The following ADARB2 variants were observed in gnomAD, a reference collection of about 807,000 sequenced individuals.
The protein encoded by ADARB2 is adenosine deaminase RNA specific B2 (inactive).
In ADARB2, 25 loss-of-function variants were observed where a neutral mutation model predicts 62.2. The ratio of observed to expected loss-of-function variants is 0.40; its 90% CI spans 0.29 to 0.56. The LOEUF is 0.56. Among genes scored for constraint, ADARB2 ranks in the 20% least tolerant of loss-of-function variants. The pLI is 0.43. For missense variants in ADARB2, 1,071 were observed against 1,077.4 expected, an observed-to-expected ratio of 0.99 and a Z score of 0.08; for synonymous variants, 572 against 500.8, an observed-to-expected ratio of 1.14 and a Z score of -1.90.
rs11815264 is a variant in ADARB2, at chr10:1,429,174, C to T, written c.101-50014G>A. 4.4e-3 allele frequency among the ~76,000 whole-genome samples: 667 copies of T among 152,252 alleles called. 5 individuals are homozygous for T. Among genetic ancestry groups the T allele is most frequent in the African/African-American group, 0.015 (642 of 41,548 alleles). ...AGGTATGTGGGCACTTCTGTAATGC[C>T]TCTTACAATGGCATGTGCGTCCATA... On this transcript the variant is annotated intron_variant, in intron 1 of 9. Coordinates refer to ENST00000381312, the MANE Select transcript of ADARB2 (RefSeq NM_018702.4).
intron 1 of ADARB2, among the ~76,000 whole-genome samples, chr10:1,669,893 GACAA>G (rs762188213): frequency 2.4e-4 from 35 of 146,776 alleles, no homozygotes; most frequent in African/African-American, 3.0e-4. Flanking sequence ...CACTCACCAA[GACAA>G]ACACAGACAC....
intron 1 of ADARB2, among the ~76,000 whole-genome samples, chr10:1,534,415 G>C (rs918623556): frequency 2.0e-5 from 3 of 152,234 alleles, no homozygotes; most frequent in African/African-American, 7.2e-5. Context: ...TGGGATTACA[G>C]GCATGAGCCA....
At chr10:1,455,105 C>T (rs1480004999) in intron 1 of ADARB2, among the ~76,000 whole-genome samples, 1 of 152,122 alleles carries the variant, frequency 6.6e-6, no homozygotes, top group African/African-American at 2.4e-5. Context: ...GTGATTTTCC[C>T]AGGTACAGTT....
At chr10:1,489,180 A>G (rs1419815392) in intron 1 of ADARB2, among the ~76,000 whole-genome samples, 2 of 152,240 alleles carry the variant, frequency 1.3e-5, no homozygotes, top group East Asian at 3.9e-4. Flanking sequence ...TAAGACATTG[A>G]TCAACTTCTC....
At chr10:1,388,970 AG>A (rs1380968418) in intron 1 of ADARB2, among the ~76,000 whole-genome samples, 2 of 152,358 alleles carry the variant, frequency 1.3e-5, no homozygotes, top group South Asian at 4.1e-4. Context: ...GTGGAACAAA[AG>A]GGGAAGTCTA....
intron 1 of ADARB2, among the ~76,000 whole-genome samples, chr10:1,661,907 A>G (rs1328333049): frequency 2.0e-5 from 3 of 152,066 alleles, no homozygotes; most frequent in African/African-American, 7.2e-5. Flanking sequence ...CTGGGGAGGG[A>G]AAGGGGCTAG....
chr10:1,735,363 C>T (rs779037694), intron 1 of ADARB2, among the ~76,000 whole-genome samples: 7 of 152,172 alleles, frequency 4.6e-5, no homozygotes, highest in Non-Finnish European at 7.3e-5. Context: ...GCATGACTGA[C>T]GCTTCCTGGC....
chr10:1,597,306 G>A (rs541983728), intron 1 of ADARB2, among the ~76,000 whole-genome samples: 1 of 152,174 alleles, frequency 6.6e-6, no homozygotes, highest in Admixed American at 6.5e-5. Flanking sequence ...CATCTTTAAG[G>A]CAATTCCCAA....
intron 3 of ADARB2, among the ~76,000 whole-genome samples, chr10:1,331,620 GA>G (rs1831928460): frequency 6.6e-6 from 1 of 152,146 alleles, no homozygotes; most frequent in Non-Finnish European, 1.5e-5. Context: ...TGTGAGGTCA[GA>G]AAAATGTTCC....
chr10:1,549,843 G>A (rs545825477), intron 1 of ADARB2, among the ~76,000 whole-genome samples: 2 of 152,236 alleles, frequency 1.3e-5, no homozygotes, highest in African/African-American at 4.8e-5. Context: ...CCGGAGAGAC[G>A]GCAGCCAGGA....
intron 1 of ADARB2, among the ~76,000 whole-genome samples, chr10:1,430,207 A>T (rs1256633864): frequency 2.0e-5 from 3 of 152,250 alleles, no homozygotes; most frequent in Non-Finnish European, 4.4e-5. Context: ...GCATACTGAG[A>T]TACAAAGAGC....
chr10:1,588,337 C>T (rs532533820), intron 1 of ADARB2, among the ~76,000 whole-genome samples: 2 of 152,150 alleles, frequency 1.3e-5, no homozygotes, highest in South Asian at 4.1e-4. Flanking sequence ...TTATCTGCAG[C>T]GGGTCCAACA....
chr10:1,708,484 G>C (rs566056640), intron 1 of ADARB2, among the ~76,000 whole-genome samples: 1 of 152,196 alleles, frequency 6.6e-6, no homozygotes, highest in African/African-American at 2.4e-5. Context: ...TTCCTGGTCA[G>C]AATCTTTCAG....
intron 3 of ADARB2, among the ~76,000 whole-genome samples, chr10:1,275,140 G>C (rs985180544): frequency 1.3e-5 from 2 of 152,248 alleles, no homozygotes; most frequent in African/African-American, 4.8e-5. Flanking sequence ...ATCACATTTG[G>C]TTTGGGCCTC....
intron 1 of ADARB2, among the ~76,000 whole-genome samples, chr10:1,712,612 T>C (rs1206307324): frequency 1.9e-5 from 2 of 104,226 alleles, no homozygotes; most frequent in African/African-American, 5.0e-5. Flanking sequence ...CCACCATTAC[T>C]TTTTTTTTTT....
At chr10:1,522,526 C>T (rs1832085280) in intron 1 of ADARB2, among the ~76,000 whole-genome samples, 1 of 152,150 alleles carries the variant, frequency 6.6e-6, no homozygotes, top group African/African-American at 2.4e-5. Flanking sequence ...GGCCCAGATG[C>T]CACCTTCTGT....
chr10:1,481,539 C>T (rs1460892915), intron 1 of ADARB2, among the ~76,000 whole-genome samples: 2 of 152,044 alleles, frequency 1.3e-5, no homozygotes, highest in Admixed American at 1.3e-4. Context: ...AAAATATTTG[C>T]AAATCATATA....
intron 1 of ADARB2, among the ~76,000 whole-genome samples, chr10:1,392,268 G>A (rs946355677): frequency 2.0e-5 from 3 of 152,092 alleles, no homozygotes; most frequent in Non-Finnish European, 4.4e-5. Context: ...TTACATAACC[G>A]GGATTGGGGC....
At chr10:1,422,821 G>A (rs370667916) in intron 1 of ADARB2, among the ~76,000 whole-genome samples, 1 of 152,190 alleles carries the variant, frequency 6.6e-6, no homozygotes, top group African/African-American at 2.4e-5. Flanking sequence ...GGTATGAAGG[G>A]CATTAGCGTA....
Sources: gnomAD v4.1 joint callset for allele counts (sites outside exome capture counted in the v4.1 genomes callset) on GRCh38, gnomAD v4.1.1 for gene constraint, MANE v1.5 for transcripts, NCBI Gene and HGNC (gene_info 2026-07-23, HGNC 2026-07-21) for gene names.